Variants in RGS17 observed in about 807,000 individuals in gnomAD.
RGS17 encodes the protein regulator of G protein signaling 17, also known as regulator of G-protein signaling 17.
Under a neutral mutation model 25.5 loss-of-function variants are expected in RGS17, and 12 were observed. The observed-to-expected ratio is 0.47, with a 90% CI of 0.30 to 0.76. RGS17 has a LOEUF of 0.76. Ranked by LOEUF, RGS17 falls within the 30% of genes least tolerant of loss-of-function variation. RGS17 has a pLI of 0.07. For synonymous variants in RGS17, 71 were observed against 76.9 expected, an observed-to-expected ratio of 0.92 and a Z score of 0.40; for missense variants, 196 against 242.2, an observed-to-expected ratio of 0.81 and a Z score of 1.27.
At chr6:153,079,158 A>G (rs931909142) in intron 1 of RGS17, among the ~76,000 whole-genome samples, 4 of 151,868 alleles carry the variant, frequency 2.6e-5, no homozygotes, top group Admixed American at 6.6e-5. Flanking sequence ...GCTCACTGCA[A>G]TCTCTGCCTG....
At chr6:153,043,022 G>A (rs1159239508) in intron 2 of RGS17, among the ~76,000 whole-genome samples, 1 of 152,144 alleles carries the variant, frequency 6.6e-6, no homozygotes, top group Non-Finnish European at 1.5e-5. Context: ...TGGTTCAAAG[G>A]AAAGTTCCAT....
intron 2 of RGS17, among the ~76,000 whole-genome samples, chr6:153,027,695 G>T (rs1180695740): frequency 6.6e-6 from 1 of 152,092 alleles, no homozygotes; most frequent in Non-Finnish European, 1.5e-5. Flanking sequence ...TGGGAGGCTG[G>T]CCCAAAACCG....
At chr6:153,085,860 T>G (rs910713285) in intron 1 of RGS17, among the ~76,000 whole-genome samples, 3 of 152,198 alleles carry the variant, frequency 2.0e-5, no homozygotes, top group African/African-American at 4.8e-5. Context: ...GAGCTTACCA[T>G]GCAGATTTAA....
At chr6:153,088,102 A>G (rs995933297) in intron 1 of RGS17, among the ~76,000 whole-genome samples, 2 of 152,154 alleles carry the variant, frequency 1.3e-5, no homozygotes, top group East Asian at 3.9e-4. Flanking sequence ...TTGCTAGAGG[A>G]CCAACAATCA....
At chr6:153,096,628 T>C (rs114989005) in intron 1 of RGS17, among the ~76,000 whole-genome samples, 2,036 of 152,334 alleles carry the variant, frequency 0.013, 52 homozygotes, top group African/African-American at 0.045. Context: ...TATATGATCG[T>C]TGCCACATAA....
rs564110102 is a variant in RGS17 at position 153,023,372 on chromosome 6, G to A, written c.444+890C>T. 11 of 510,448 alleles carry A rather than the reference G, an allele frequency of 2.2e-5. No individual in the cohort carries two copies. The East Asian group carries it at 6.0e-4, about 28-fold the overall frequency. The allele number at this position is 510,448 out of a possible 1,614,324, so 31.6% of individuals were successfully genotyped here. On this transcript the variant is annotated intron_variant, in intron 4 of 4. Transcript: ENST00000206262. ...GACAAAAAGAGGCTGGGATGGAAAA[G>A]AGAAGACATTCTAGGAACCTCTATG...
chr6:153,092,363 A>C (rs1405233926), intron 1 of RGS17, among the ~76,000 whole-genome samples: 1 of 152,186 alleles, frequency 6.6e-6, no homozygotes, highest in African/African-American at 2.4e-5. Context: ...GACAAGTCAA[A>C]AGAGAGTTTG....
intron 4 of RGS17, chr6:153,023,390 C>T (rs771859061): frequency 1.8e-5 from 9 of 510,136 alleles, no homozygotes; most frequent in Non-Finnish European, 3.9e-6. Flanking sequence ...ATTCTAGGAA[C>T]CTCTATGTTC....
At chr6:153,115,288 T>C (rs181429830) in intron 1 of RGS17, among the ~76,000 whole-genome samples, 1 of 152,122 alleles carries the variant, frequency 6.6e-6, no homozygotes, top group East Asian at 1.9e-4. Flanking sequence ...ACACCAATAA[T>C]AGACAAACAG....
chr6:153,070,058 T>C (rs1160880522), intron 1 of RGS17, among the ~76,000 whole-genome samples: 1 of 152,066 alleles, frequency 6.6e-6, no homozygotes, highest in African/African-American at 2.4e-5. Flanking sequence ...GCAAAACATT[T>C]TTGCTCATTC....
intron 4 of RGS17, among the ~76,000 whole-genome samples, chr6:153,015,801 C>T (rs1779177094): frequency 6.6e-6 from 1 of 151,962 alleles, no homozygotes; most frequent in African/African-American, 2.4e-5. Context: ...CTACAGGCGC[C>T]CGCCACCACG....
At chr6:153,091,279 CT>C in intron 1 of RGS17, among the ~76,000 whole-genome samples, 1 of 152,162 alleles carries the variant, frequency 6.6e-6, no homozygotes, top group Non-Finnish European at 1.5e-5. Flanking sequence ...ATACACTCCC[CT>C]GGTTTCCTGA....
intron 1 of RGS17, among the ~76,000 whole-genome samples, chr6:153,074,031 C>A (rs1355910560): frequency 1.3e-5 from 2 of 152,170 alleles, no homozygotes; most frequent in Non-Finnish European, 1.5e-5. Context: ...AAACTCAGAT[C>A]TACCTCAAGT....
At chr6:153,094,138 T>C (rs927856183) in intron 1 of RGS17, among the ~76,000 whole-genome samples, 2 of 151,802 alleles carry the variant, frequency 1.3e-5, no homozygotes, top group African/African-American at 4.8e-5. Context: ...TGCAGTGGCA[T>C]GATCTTGGCT....
intron 1 of RGS17, among the ~76,000 whole-genome samples, chr6:153,054,519 C>T (rs1465605248): frequency 4.6e-5 from 7 of 151,838 alleles, no homozygotes; most frequent in Non-Finnish European, 8.8e-5. Flanking sequence ...GGCATGGTGG[C>T]GGGAGCCTGT....
chr6:153,092,823 C>T (rs760599295), intron 1 of RGS17, among the ~76,000 whole-genome samples: 2 of 152,134 alleles, frequency 1.3e-5, no homozygotes, highest in African/African-American at 4.8e-5. Flanking sequence ...CCAGCTACCC[C>T]CTAAGGAACA....
In RGS17 at chr6:153,015,183, G is replaced by C. The variant is rs568349467; in HGVS notation, c.445-3421C>G. Among the ~76,000 whole-genome samples the C allele has an allele frequency of 3.3e-5, 5 of 152,320 alleles. No individual in the cohort carries two copies. In the East Asian group the frequency reaches 9.6e-4, roughly 29 times the overall value. Reference sequence around the variant, plus strand: ...GCAAAGAAAGTGGTTTCTTGAGATGGAATCTATTCCTGGTGAAGATGCTGT... The same window carrying C: ...GCAAAGAAAGTGGTTTCTTGAGATGCAATCTATTCCTGGTGAAGATGCTGT... On this transcript the variant is annotated intron_variant, in intron 4 of 4. Coordinates refer to ENST00000206262, the MANE Select transcript of RGS17 (RefSeq NM_012419.5).
At chr6:153,020,125 T>C (rs1379086109) in intron 4 of RGS17, among the ~76,000 whole-genome samples, 2 of 94,072 alleles carry the variant, frequency 2.1e-5, no homozygotes, top group African/African-American at 8.3e-5. Context: ...TATATATATA[T>C]ATATATATAT....
chr6:153,032,054 GA>G (rs1779369192), intron 2 of RGS17, among the ~76,000 whole-genome samples: 1 of 152,086 alleles, frequency 6.6e-6, no homozygotes, highest in South Asian at 2.1e-4. Context: ...GGGCAACAAG[GA>G]AAGGAGAATA....
Sources: gnomAD v4.1 joint callset for allele counts (sites outside exome capture counted in the v4.1 genomes callset) on GRCh38, gnomAD v4.1.1 for gene constraint, MANE v1.5 for transcripts, NCBI Gene and HGNC (gene_info 2026-07-23, HGNC 2026-07-21) for gene names.